The following ASB17 variants were observed in gnomAD, a reference collection of about 807,000 sequenced individuals.
ASB17 encodes ankyrin repeat and SOCS box containing 17.
ASB17 carries 26 observed loss-of-function variants against 25.7 expected under a neutral mutation model. The observed-to-expected ratio is 1.01, with a 90% confidence interval of 0.74 to 1.40. The LOEUF is 1.40. Ranked by LOEUF, ASB17 falls within the 40% of genes most tolerant of loss-of-function variation. The pLI is 0.00. For missense variants in ASB17, 326 were observed against 338.5 expected (o/e 0.96, Z 0.29); for synonymous variants, 128 against 121.4 (o/e 1.05, Z -0.36).
At chr1:75,926,727 T>C (rs1653183292) in intron 1 of ASB17, among the ~76,000 whole-genome samples, 1 of 152,160 alleles carries the variant, frequency 6.6e-6, no homozygotes, top group Non-Finnish European at 1.5e-5. Flanking sequence ...TATTTGCAGG[T>C]AGAACCAACA....
chr1:75,919,711 T>C (rs1557540434), intron 2 of ASB17, among the ~76,000 whole-genome samples: 1 of 152,236 alleles, frequency 6.6e-6, no homozygotes, highest in South Asian at 2.1e-4. Context: ...ACAAAGGGCA[T>C]GAACTCATCC....
intron 1 of ASB17, among the ~76,000 whole-genome samples, chr1:75,930,633 T>C (rs1487164754): frequency 6.6e-6 from 1 of 152,102 alleles, no homozygotes; most frequent in Non-Finnish European, 1.5e-5. Context: ...TAAGTTGAAA[T>C]TGATTAATTT....
chr1:75,919,045 C>G lies in ASB17; in HGVS notation c.795G>C (p.Arg265Ser). Residue 265 changes from arginine (R) to serine (S), a missense_variant, in exon 3 of 3, where the codon AGG (arginine) becomes AGC (serine). By Grantham distance (110) the Arg-to-Ser change is moderately radical. Transcript: ENST00000284142. ...GCATATTGTTGGTTAATAGTTGATT[C>G]CTGATGGTTAGTCTGCAAAGATGTA... ...ELLHLCRLTI[R>S]NQLLTNNMLP... 1 of 1,612,270 alleles carries G rather than the reference C, an allele frequency of 6.2e-7. No homozygotes were observed. Among genetic ancestry groups the G allele is most frequent in the South Asian group, 1.1e-5 (1 of 91,044 alleles).
intron 2 of ASB17, among the ~76,000 whole-genome samples, chr1:75,921,053 C>T (rs915047444): frequency 2.2e-4 from 33 of 152,024 alleles, no homozygotes; most frequent in African/African-American, 7.5e-4. Flanking sequence ...GGATTACAGG[C>T]GTGAGCCACT....
intron 1 of ASB17, 69 bp from the exon 2 acceptor site, chr1:75,922,428 C>T: frequency 9.0e-7 from 1 of 1,114,546 alleles, no homozygotes; most frequent in South Asian, 2.4e-5. Flanking sequence ...CTTTATCTTG[C>T]TAGTAATGGG....
At chr1:75,923,064 G>A (rs1172672806) in intron 1 of ASB17, among the ~76,000 whole-genome samples, 1 of 152,148 alleles carries the variant, frequency 6.6e-6, no homozygotes, top group Admixed American at 6.5e-5. Flanking sequence ...TTTATTAATA[G>A]AAAGAATTAT....
At chr1:75,926,867 A>G (rs1158003440) in intron 1 of ASB17, among the ~76,000 whole-genome samples, 1 of 148,322 alleles carries the variant, frequency 6.7e-6, no homozygotes, top group East Asian at 2.1e-4. Context: ...CTGATTTTAT[A>G]GGTTTTTTAA....
intron 1 of ASB17, among the ~76,000 whole-genome samples, chr1:75,925,582 T>C (rs1653149051): frequency 1.3e-5 from 2 of 152,144 alleles, no homozygotes; most frequent in Admixed American, 1.3e-4. Flanking sequence ...TTGCTTAATC[T>C]GTACTGACAG....
intron 1 of ASB17, among the ~76,000 whole-genome samples, chr1:75,925,102 G>A (rs1266890282): frequency 6.6e-6 from 1 of 151,982 alleles, no homozygotes; most frequent in African/African-American, 2.4e-5. Context: ...CTAGAACAAT[G>A]TTTGGCCCAT....
At position 75,922,191 on chromosome 1, in the gene ASB17, C is replaced by T. The variant is rs141282823; in HGVS notation, c.570G>A (p.Ser190=). Residue 190 remains serine, a synonymous_variant, in exon 2 of 3, where the codon TCG becomes TCA. Coordinates refer to ENST00000284142, the MANE Select transcript of ASB17 (RefSeq NM_080868.3). ...CACGATCAACCATTACTCTTACTCT[C>T]GAAGGGTAGAGTACTATTGTTAAGA... ...NIVLTIVLYP[S]RVRVMVDREL... 81 of 1,613,568 alleles carry T rather than the reference C, an allele frequency of 5.0e-5. No individual in the cohort carries two copies. The highest frequency in any genetic ancestry group is 6.4e-5 in the Non-Finnish European group (76 of 1,179,770).
At chr1:75,928,117 G>A (rs1288378239) in intron 1 of ASB17, among the ~76,000 whole-genome samples, 1 of 152,098 alleles carries the variant, frequency 6.6e-6, no homozygotes, top group East Asian at 1.9e-4. Context: ...ATTCTATTGA[G>A]CCTTCTCAGA....
At chr1:75,924,384 T>C (rs894996929) in intron 1 of ASB17, among the ~76,000 whole-genome samples, 3 of 152,152 alleles carry the variant, frequency 2.0e-5, no homozygotes, top group African/African-American at 7.2e-5. Flanking sequence ...AACTAGTTTA[T>C]CTGCAAAGCT....
intron 1 of ASB17, among the ~76,000 whole-genome samples, chr1:75,923,837 C>G (rs1315737167): frequency 6.6e-6 from 1 of 152,148 alleles, no homozygotes; most frequent in Admixed American, 6.5e-5. Flanking sequence ...TTTCCACAAG[C>G]ATTTATGTAC....
chr1:75,924,312 C>G (rs1170515310), intron 1 of ASB17, among the ~76,000 whole-genome samples: 3 of 152,186 alleles, frequency 2.0e-5, no homozygotes, highest in Admixed American at 6.5e-5. Context: ...TCCTAGAGCC[C>G]TTACCCCCTG....
At chr1:75,925,880 T>C (rs1483496425) in intron 1 of ASB17, among the ~76,000 whole-genome samples, 1 of 152,192 alleles carries the variant, frequency 6.6e-6, no homozygotes, top group Non-Finnish European at 1.5e-5. Flanking sequence ...CAGTTGACTT[T>C]CTTAAAACTA....
chr1:75,928,266 A>G (rs1262501410), intron 1 of ASB17, among the ~76,000 whole-genome samples: 1 of 152,132 alleles, frequency 6.6e-6, no homozygotes, highest in Non-Finnish European at 1.5e-5. Flanking sequence ...GAGCTCTCTA[A>G]AATCAGGAAA....
chr1:75,922,531 T>C (rs1175470814), intron 1 of ASB17, among the ~76,000 whole-genome samples, 172 bp from the exon 2 acceptor site: 2 of 130,622 alleles, frequency 1.5e-5, no homozygotes, highest in Non-Finnish European at 3.2e-5. Context: ...AGTTTCCCTC[T>C]TGTTGCTCAG....
chr1:75,922,493 T>A, intron 1 of ASB17, 134 bp from the exon 2 acceptor site: 13 of 388,608 alleles, frequency 3.3e-5, no homozygotes, highest in Middle Eastern at 7.4e-4. Context: ...TGTTTCTTTT[T>A]TTTTTTTTTT....
chr1:75,932,279 T>A lies in ASB17; in HGVS notation c.13A>T (p.Thr5Ser). 1 of 1,607,790 alleles carries A rather than the reference T, an allele frequency of 6.2e-7. No homozygotes were observed. Among genetic ancestry groups the A allele is most frequent in the Non-Finnish European group, 8.5e-7 (1 of 1,176,794 alleles). Residue 5 changes from threonine (T) to serine (S), a missense_variant, in exon 1 of 3, where the codon ACT (threonine) becomes TCT (serine). Transcript: ENST00000284142. Reference sequence around the variant, plus strand: ...CAAGAAGTCTTACCACATAATTTAGTAGATTTACTCATTGTTACTTATAGC... The same window carrying A: ...CAAGAAGTCTTACCACATAATTTAGAAGATTTACTCATTGTTACTTATAGC... MSKS[T>S]KLCGKTSCPR...
Sources: gnomAD v4.1 joint callset for allele counts (sites outside exome capture counted in the v4.1 genomes callset) on GRCh38, gnomAD v4.1.1 for gene constraint, MANE v1.5 for transcripts, NCBI Gene and HGNC (gene_info 2026-07-23, HGNC 2026-07-21) for gene names.